Variants in LYRM4 observed in about 807,000 individuals in gnomAD.
LYRM4 encodes the protein LYR motif-containing protein 4.
A neutral mutation model predicts 11.7 loss-of-function variants in LYRM4; 9 were observed. The ratio of observed to expected loss-of-function variants is 0.77; its 90% CI spans 0.46 to 1.34. The LOEUF is 1.34. LYRM4 is among the 40% of genes most tolerant of loss of function. The probability of loss-of-function intolerance (pLI) is 0.00; values close to 1 mark genes in which losing one functional copy is unlikely to be tolerated. For synonymous variants in LYRM4, 42 were observed against 40.4 expected, an observed-to-expected ratio of 1.04 and a Z score of -0.15; for missense variants, 133 against 112.5, an observed-to-expected ratio of 1.18 and a Z score of -0.82.
chr6:5,239,062 T>C (rs1452961164), intron 1 of LYRM4, among the ~76,000 whole-genome samples: 3 of 152,198 alleles, frequency 2.0e-5, no homozygotes, highest in Non-Finnish European at 4.4e-5. Flanking sequence ...CCGGTGGCAA[T>C]AGGCAGGATG....
chr6:5,210,556 A>G (rs553900466), intron 2 of LYRM4, among the ~76,000 whole-genome samples: 10 of 152,312 alleles, frequency 6.6e-5, no homozygotes, highest in African/African-American at 2.4e-4. Context: ...TATCATCTTA[A>G]CTATTTTTAA....
intron 2 of LYRM4, among the ~76,000 whole-genome samples, chr6:5,165,203 T>G (rs1759007402): frequency 6.6e-6 from 1 of 152,230 alleles, no homozygotes; most frequent in African/African-American, 2.4e-5. Context: ...TCAATCAGTT[T>G]GCCTTAATTT....
intron 2 of LYRM4, among the ~76,000 whole-genome samples, chr6:5,212,730 T>C (rs888867847): frequency 1.3e-5 from 2 of 152,184 alleles, no homozygotes; most frequent in East Asian, 3.8e-4. Flanking sequence ...GGCTATGACA[T>C]GAGGCATGAA....
the LYRM4 span, among the ~76,000 whole-genome samples, chr6:5,036,327 G>T: frequency 2.0e-5 from 3 of 152,162 alleles, no homozygotes; most frequent in African/African-American, 7.2e-5. Flanking sequence ...GGCTCTTCCA[G>T]GTTAGCCTAG....
chr6:5,253,891 T>C (rs2753240), intron 1 of LYRM4, among the ~76,000 whole-genome samples: 41,968 of 150,950 alleles, frequency 0.28, 7,209 homozygotes, highest in African/African-American at 0.48. Context: ...CATGCAACAA[T>C]GAACCATTTC....
At position 5,243,520 on chromosome 6, in the gene LYRM4, CAATAAAAATA is replaced by C. The variant is rs544612663; in HGVS notation, c.86+17118_86+17127del. On this transcript the variant is annotated intron_variant, in intron 1 of 2. Coordinates refer to ENST00000330636, the MANE Select transcript of LYRM4 (RefSeq NM_020408.6). Reference sequence around the variant, plus strand: ...AAAGAAGAAGAAAAAATGGAGGATACAATAAAAATAAACACTGGAGTCCCTCTTATTCCCT... The same window carrying C: ...AAAGAAGAAGAAAAAATGGAGGATACAACACTGGAGTCCCTCTTATTCCCT... 6.5e-4 allele frequency among the ~76,000 whole-genome samples: 99 copies of C among 152,262 alleles called. 2 individuals carry two copies. Among genetic ancestry groups the C allele is most frequent in the African/African-American group, 2.3e-3 (97 of 41,558 alleles).
the LYRM4 span, among the ~76,000 whole-genome samples, chr6:5,047,555 G>T: frequency 2.0e-5 from 3 of 152,264 alleles, no homozygotes; most frequent in Middle Eastern, 6.8e-3. Context: ...TGGCAGTGAT[G>T]ATGCATTCTT....
At chr6:5,189,377 G>C (rs1398400871) in intron 2 of LYRM4, among the ~76,000 whole-genome samples, 5 of 151,356 alleles carry the variant, frequency 3.3e-5, no homozygotes, top group South Asian at 4.2e-4. Context: ...AAGGTTAGTG[G>C]TGAGCCTAAG....
At position 5,245,108 on chromosome 6, in the gene LYRM4, AAAAAAATATATATATATATATATAT is replaced by A. The variant is rs1239916824; in HGVS notation, c.86+15515_86+15539del. On this transcript the variant is annotated intron_variant, in intron 1 of 2. Coordinates refer to ENST00000330636, the MANE Select transcript of LYRM4 (RefSeq NM_020408.6). The stretch of plus-strand genomic sequence containing the variant: ...AGACCTTAAAAAAAAAAAAAAAAAA[AAAAAAATATATATATATATATATAT>A]ATATATATATATATATATATATATA... 6.4e-4 allele frequency among the ~76,000 whole-genome samples: 29 copies of A among 45,404 alleles called. 2 individuals are homozygous for A. Among genetic ancestry groups the A allele is most frequent in the African/African-American group, 2.2e-3 (23 of 10,282 alleles). The allele number at this position is 45,404 out of a possible 152,430, so 29.8% of individuals were successfully genotyped here.
intron 1 of LYRM4, 23 bp downstream of exon 1, chr6:5,260,625 G>GCCCCCCCC: frequency 1.0e-6 from 1 of 983,726 alleles, no homozygotes; most frequent in Non-Finnish European, 1.5e-6. Context: ...CCCGCCCCCG[G>GCCCCCCCC]CCCCCGGTGC....
In LYRM4 at chr6:5,242,927, C is replaced by T. The variant is rs1204735022; in HGVS notation, c.86+17721G>A. ...TAGCTGGGACTACAGGCGCCCGCCA[C>T]CGCGCCCGGCTAATTTTTTGTATTT... On this transcript the variant is annotated intron_variant, in intron 1 of 2. Coordinates refer to ENST00000330636, the MANE Select transcript of LYRM4 (RefSeq NM_020408.6). 3.3e-5 allele frequency among the ~76,000 whole-genome samples: 5 copies of T among 151,222 alleles called. No homozygotes were observed. The East Asian group carries it at 1.0e-3, about 30-fold the overall frequency.
At chr6:5,054,012 G>T in the LYRM4 span, 1 of 456,950 alleles carries the variant, frequency 2.2e-6, no homozygotes, top group Non-Finnish European at 2.9e-6. Flanking sequence ...CTCACCACCA[G>T]CAGAAAATGA....
chr6:5,109,070 G>A lies in LYRM4; in HGVS notation c.*353C>T, dbSNP rs987499613. The A allele has an allele frequency of 4.7e-6, 5 of 1,059,162 alleles. No individual in the cohort carries two copies. In the African/African-American group the frequency reaches 6.6e-5, roughly 14 times the overall value. 65.6% of individuals were successfully genotyped at this position (1,059,162 alleles called of 1,614,324 possible). On this transcript the variant is annotated 3_prime_UTR_variant, in exon 3 of 3. Coordinates refer to ENST00000330636, the MANE Select transcript of LYRM4 (RefSeq NM_020408.6). ...GGGAGGGGTTTATCTGGGGTCAAAG[G>A]CTCAGGGAGATCATTCTTTTTATTG...
chr6:5,133,621 A>G (rs1411211014), intron 2 of LYRM4, among the ~76,000 whole-genome samples: 3 of 152,382 alleles, frequency 2.0e-5, no homozygotes, highest in East Asian at 3.9e-4. Context: ...TAAAGTTCAC[A>G]TAACATAAAA....
chr6:5,086,010 G>A, the LYRM4 span: 1 of 1,517,414 alleles, frequency 6.6e-7, no homozygotes, highest in Non-Finnish European at 8.8e-7. Context: ...AGGACCTGGA[G>A]CAGCTCGGGG....
At chr6:5,184,707 C>T (rs543973120) in intron 2 of LYRM4, among the ~76,000 whole-genome samples, 3 of 152,342 alleles carry the variant, frequency 2.0e-5, no homozygotes, top group Admixed American at 1.3e-4. Context: ...GTAACATCCA[C>T]TCATTCACCC....
intron 2 of LYRM4, among the ~76,000 whole-genome samples, chr6:5,131,304 G>A (rs998822470): frequency 1.3e-5 from 2 of 152,178 alleles, no homozygotes; most frequent in Non-Finnish European, 2.9e-5. Flanking sequence ...AATGATGGTG[G>A]GGAGCTTTGA....
intron 1 of LYRM4, among the ~76,000 whole-genome samples, chr6:5,221,115 C>T (rs1762552400): frequency 6.6e-6 from 1 of 152,196 alleles, no homozygotes; most frequent in Non-Finnish European, 1.5e-5. Context: ...GTGTGAGCCA[C>T]TATATCTGGC....
chr6:5,245,735 G>A (rs1157493464), intron 1 of LYRM4, among the ~76,000 whole-genome samples: 2 of 152,326 alleles, frequency 1.3e-5, no homozygotes, highest in Middle Eastern at 3.4e-3. Context: ...TACAAGTGGT[G>A]CAAGTGTCAC....
Sources: gnomAD v4.1 joint callset for allele counts (sites outside exome capture counted in the v4.1 genomes callset) on GRCh38, gnomAD v4.1.1 for gene constraint, MANE v1.5 for transcripts, NCBI Gene and HGNC (gene_info 2026-07-23, HGNC 2026-07-21) for gene names.